SREK1IP1: variants seen among roughly 807,000 people sequenced by gnomAD.
SREK1IP1 encodes the protein protein SREK1IP1.
In SREK1IP1, 12 loss-of-function variants were observed where a neutral mutation model predicts 22.8. The observed-to-expected ratio is 0.53, with a 90% CI of 0.34 to 0.85. The LOEUF (loss-of-function observed/expected upper bound fraction) is 0.85. SREK1IP1 is among the 40% of genes least tolerant of loss of function. The pLI is 0.02. For missense variants in SREK1IP1, 147 were observed against 171.8 expected (o/e 0.86, Z 0.81); for synonymous variants, 53 against 52.7 (o/e 1.01, Z -0.02).
intron 3 of SREK1IP1, among the ~76,000 whole-genome samples, chr5:64,734,777 G>A (rs1374959571): frequency 2.0e-5 from 3 of 151,966 alleles, no homozygotes; most frequent in Non-Finnish European, 4.4e-5. Context: ...TTGCAACTTT[G>A]CTAAACTCAG....
At chr5:64,725,753 T>A (rs922777627) in intron 4 of SREK1IP1, among the ~76,000 whole-genome samples, 6 of 152,138 alleles carry the variant, frequency 3.9e-5, no homozygotes. Context: ...ATTTTCCTCT[T>A]TTAAAGACCC....
intron 3 of SREK1IP1, among the ~76,000 whole-genome samples, chr5:64,739,228 G>C (rs1464878636): frequency 2.0e-5 from 3 of 152,100 alleles, no homozygotes; most frequent in African/African-American, 7.2e-5. Context: ...GACTAATTGT[G>C]ATATATGTCT....
chr5:64,752,146 GTTT>G (rs869277379), intron 2 of SREK1IP1, among the ~76,000 whole-genome samples: 223 of 61,022 alleles, frequency 3.7e-3, no homozygotes, highest in African/African-American at 0.013. Flanking sequence ...TTTTTTGTGT[GTTT>G]TTTTTTTTTT....
chr5:64,725,953 T>TC (rs2112084744), intron 4 of SREK1IP1, among the ~76,000 whole-genome samples: 1 of 144,930 alleles, frequency 6.9e-6, no homozygotes, highest in East Asian at 2.2e-4. Flanking sequence ...CAACCTCCGC[T>TC]CCCCCGAGTT....
chr5:64,746,706 T>G (rs2112101407), intron 2 of SREK1IP1, among the ~76,000 whole-genome samples: 1 of 152,212 alleles, frequency 6.6e-6, no homozygotes, highest in Non-Finnish European at 1.5e-5. Context: ...AATGTGTGGG[T>G]TTTTTCCACA....
chr5:64,733,946 G>A (rs910154209), intron 3 of SREK1IP1, among the ~76,000 whole-genome samples: 5 of 152,060 alleles, frequency 3.3e-5, no homozygotes, highest in African/African-American at 1.2e-4. Flanking sequence ...CAAAGTTTTG[G>A]TTTATAGGGC....
At chr5:64,757,315 A>G (rs1030225) in intron 1 of SREK1IP1, among the ~76,000 whole-genome samples, 67,278 of 152,020 alleles carry the variant, frequency 0.44, 17,918 homozygotes, top group African/African-American at 0.74. Context: ...AGGATCGCTC[A>G]AGCCCAGGAA....
chr5:64,767,093 T>C lies in SREK1IP1; in HGVS notation c.13+1412A>G, dbSNP rs1257855670. On this transcript the variant is annotated intron_variant, in intron 1 of 4. Coordinates refer to ENST00000513458, the MANE Select transcript of SREK1IP1 (RefSeq NM_173829.4). ...ACTTATCTCCCATCTGTATTTGAGT[T>C]CCATCCATAGAAAACATCTTTCATT... Among the ~76,000 whole-genome samples the C allele has an allele frequency of 5.3e-5, 8 of 152,348 alleles. No individual in the cohort carries two copies. The East Asian group carries it at 1.5e-3, about 29-fold the overall frequency.
intron 3 of SREK1IP1, among the ~76,000 whole-genome samples, chr5:64,729,206 A>C (rs1254309353): frequency 1.3e-5 from 2 of 152,198 alleles, no homozygotes; most frequent in Non-Finnish European, 2.9e-5. Context: ...CTAAATGCTT[A>C]TGTGTCAAGT....
intron 2 of SREK1IP1, among the ~76,000 whole-genome samples, chr5:64,753,572 C>T (rs894249211): frequency 7.2e-5 from 11 of 152,160 alleles, no homozygotes; most frequent in Admixed American, 2.6e-4. Context: ...GCCGAGTACT[C>T]TCTTATCACA....
rs1742096941 is a variant in SREK1IP1 at position 64,718,622 on chromosome 5, A to C, written c.*5762T>G. 6.6e-6 allele frequency: 1 copy of C among 152,194 alleles called. No individual in the cohort carries two copies. The highest frequency in any genetic ancestry group is 2.4e-5 in the African/African-American group (1 of 41,464). The allele number at this position is 152,194 out of a possible 1,614,324, so 9.4% of individuals were successfully genotyped here. On this transcript the variant is annotated 3_prime_UTR_variant, in exon 5 of 5. Transcript: ENST00000513458. The stretch of plus-strand genomic sequence containing the variant: ...GATATATTTCCTAAATAATCTGTAT[A>C]ATGAAAGCTACAAAACAAATGAGTT...
At chr5:64,740,845 C>G (rs912709442) in intron 3 of SREK1IP1, among the ~76,000 whole-genome samples, 3 of 152,064 alleles carry the variant, frequency 2.0e-5, no homozygotes, top group African/African-American at 7.2e-5. Flanking sequence ...AAAACATAAG[C>G]TGTGTGTCAG....
chr5:64,735,510 G>T (rs778584942), intron 3 of SREK1IP1, among the ~76,000 whole-genome samples: 16 of 152,060 alleles, frequency 1.1e-4, no homozygotes, highest in Non-Finnish European at 1.8e-4. Flanking sequence ...GAAGTTTGCT[G>T]AAAGTTTTTA....
chr5:64,737,056 G>A (rs1003720761), intron 3 of SREK1IP1, among the ~76,000 whole-genome samples: 1 of 151,918 alleles, frequency 6.6e-6, no homozygotes, highest in African/African-American at 2.4e-5. Flanking sequence ...TGGATTAGGA[G>A]TTTACTTACT....
intron 3 of SREK1IP1, 69 bp from the exon 4 acceptor site, chr5:64,728,248 T>C: frequency 1.7e-6 from 2 of 1,204,058 alleles, no homozygotes; most frequent in East Asian, 3.5e-5. Flanking sequence ...ATGGCATGTA[T>C]ATATGTTAAA....
rs1742139133 is a variant in SREK1IP1 at position 64,720,463 on chromosome 5, G to A, written c.*3921C>T. ...AAAATGGTGGGATTAATCGGATTAT[G>A]AAATTGATAAAACCAAACCCTAATA... is the stretch of plus-strand genomic sequence containing the variant. On this transcript the variant is annotated 3_prime_UTR_variant, in exon 5 of 5. Coordinates refer to ENST00000513458, the MANE Select transcript of SREK1IP1 (RefSeq NM_173829.4). 1 of 151,412 alleles carries A rather than the reference G, an allele frequency of 6.6e-6. No homozygotes were observed. Among genetic ancestry groups the A allele is most frequent in the Non-Finnish European group, 1.5e-5 (1 of 67,920 alleles). The allele number at this position is 151,412 out of a possible 1,614,324, so 9.4% of individuals were successfully genotyped here. A position where few individuals can be genotyped will look rare whatever the true frequency, so the allele number is the denominator to read the frequency against.
chr5:64,756,776 A>G (rs910229051), intron 1 of SREK1IP1, among the ~76,000 whole-genome samples: 11 of 151,768 alleles, frequency 7.2e-5, no homozygotes, highest in African/African-American at 2.7e-4. Flanking sequence ...ACAGGCACCC[A>G]CCACCACGCC....
At chr5:64,753,924 G>A (rs1273425356) in intron 2 of SREK1IP1, among the ~76,000 whole-genome samples, 2 of 152,096 alleles carry the variant, frequency 1.3e-5, no homozygotes, top group African/African-American at 4.8e-5. Context: ...AATCTTTAAA[G>A]TAAATGTAAT....
chr5:64,752,111 CA>C (rs1318293508), intron 2 of SREK1IP1, among the ~76,000 whole-genome samples: 2 of 141,114 alleles, frequency 1.4e-5, no homozygotes, highest in Admixed American at 7.1e-5. Context: ...AACTCATTAT[CA>C]AAATAACTCT....
Sources: allele counts gnomAD v4.1 joint callset (sites outside exome capture counted in the v4.1 genomes callset), GRCh38; gene constraint gnomAD v4.1.1; transcripts MANE v1.5; gene names NCBI Gene and HGNC (gene_info 2026-07-23, HGNC 2026-07-21).